GGCX: variants seen among roughly 807,000 people sequenced by gnomAD.
The protein encoded by GGCX is gamma-glutamyl carboxylase.
In GGCX, 63 loss-of-function variants were observed where a neutral mutation model predicts 88.5. That is an observed-to-expected ratio of 0.71 (90% CI 0.58 to 0.88). The LOEUF is 0.88. Ranked by LOEUF, GGCX falls within the 40% of genes least tolerant of loss-of-function variation. The probability of loss-of-function intolerance (pLI) is 0.00; values close to 1 mark genes in which losing one functional copy is unlikely to be tolerated. For missense variants in GGCX, 805 were observed against 932.9 expected, an observed-to-expected ratio of 0.86 and a Z score of 1.79; for synonymous variants, 368 against 365.8, an observed-to-expected ratio of 1.01 and a Z score of -0.07.
At position 85,549,826 on chromosome 2, in the gene GGCX, CAAAA is replaced by C. The variant is rs59419074; in HGVS notation, c.*104_*107del. ...AAACAGCTTTAGAACCCCGCCCCCC[CAAAA>C]AAAAAAAAAAAACTTTTGAGAATTT... On this transcript the variant is annotated 3_prime_UTR_variant, in exon 15 of 15. Coordinates refer to ENST00000233838, the MANE Select transcript of GGCX (RefSeq NM_000821.7). The C allele has an allele frequency of 2.0e-4, 93 of 474,678 alleles. No homozygotes were observed. Among genetic ancestry groups the C allele is most frequent in the Non-Finnish European group, 2.7e-4 (71 of 261,618 alleles). The allele number at this position is 474,678 out of a possible 1,614,324, so 29.4% of individuals were successfully genotyped here.
Position 85,551,919 on chromosome 2 carries a change from C to CA in GGCX, c.1501dup (p.Trp501LeufsTer28), listed in dbSNP as rs1297419897. On this transcript the variant is annotated frameshift_variant, in exon 11 of 15. Coordinates refer to ENST00000233838, the MANE Select transcript of GGCX (RefSeq NM_000821.7). LOFTEE classifies it high-confidence loss of function. ...CAGGTCCATCAAGAGTGGTTGCACCCAGGATGTGCGCTGAAAGGGTGACCA... is the reference window on the plus strand; with the variant it reads ...CAGGTCCATCAAGAGTGGTTGCACCCAAGGATGTGCGCTGAAAGGGTGACCA... 6.2e-7 allele frequency: 1 copy of CA among 1,613,604 alleles called. No individual in the cohort carries two copies. The highest frequency in any genetic ancestry group is 8.5e-7 in the Non-Finnish European group (1 of 1,179,642).
In GGCX at chr2:85,554,074, C is replaced by A. The variant is rs182210583; in HGVS notation, c.889+69G>T. 5.5e-6 allele frequency: 7 copies of A among 1,266,378 alleles called. No homozygotes were observed. The Admixed American group carries it at 8.4e-5, about 15-fold the overall frequency. 78.4% of individuals were successfully genotyped at this position (1,266,378 alleles called of 1,614,324 possible). A position where few individuals can be genotyped will look rare whatever the true frequency, so the allele number is the denominator to read the frequency against. On this transcript the variant is annotated intron_variant, in intron 7 of 14. Coordinates refer to ENST00000233838, the MANE Select transcript of GGCX (RefSeq NM_000821.7). ...CACACCACCCTCTCCCACTCCCAAA[C>A]AATGCCTCTGGCTAGTCCCTTCCTG...
At chr2:85,561,280 C>G (rs1468161901) in intron 1 of GGCX, 106 bp downstream of exon 1, 7 of 39,762 alleles carry the variant, frequency 1.8e-4, no homozygotes, top group Non-Finnish European at 2.8e-4. Context: ...CCACAGAGGA[C>G]CCCCCCCCCG....
rs1170618491 is a variant in GGCX, at chr2:85,546,014, C to T, written c.*3920G>A. The T allele has an allele frequency of 2.0e-5, 3 of 152,216 alleles. No homozygotes were observed. Among genetic ancestry groups the T allele is most frequent in the African/African-American group, 7.2e-5 (3 of 41,446 alleles). 9.4% of individuals were successfully genotyped at this position (152,216 alleles called of 1,614,324 possible). A position where few individuals can be genotyped will look rare whatever the true frequency, so the allele number is the denominator to read the frequency against. The stretch of plus-strand genomic sequence containing the variant: ...AGGAGCTACATGCATAGAGAATAGC[C>T]ACTTGGATTACATTTCTACCAACAT... On this transcript the variant is annotated 3_prime_UTR_variant, in exon 15 of 15. Coordinates refer to ENST00000233838, the MANE Select transcript of GGCX (RefSeq NM_000821.7).
chr2:85,553,688 C>T, intron 7 of GGCX, 191 bp from the exon 8 acceptor site: 1 of 596,552 alleles, frequency 1.7e-6, no homozygotes, highest in Non-Finnish European at 3.0e-6. Flanking sequence ...CAACCTCTGC[C>T]TCCTGGGTTC....
At chr2:85,552,276 G>A in intron 10 of GGCX, 140 bp downstream of exon 10, 1 of 880,180 alleles carries the variant, frequency 1.1e-6, no homozygotes, top group Non-Finnish European at 1.9e-6. Context: ...AACCAGCTAT[G>A]CCCACAACCA....
chr2:85,556,608 A>G (rs2103978363), intron 4 of GGCX, among the ~76,000 whole-genome samples: 1 of 152,312 alleles, frequency 6.6e-6, no homozygotes, highest in South Asian at 2.1e-4. Context: ...GTATGTGTAA[A>G]TAAATATGCG....
chr2:85,555,492 A>G lies in GGCX; in HGVS notation c.717T>C (p.Ser239=). The change falls in exon 6 of 15, where the codon AGT becomes AGC. Residue 239 remains serine (S), a synonymous_variant. Coordinates refer to ENST00000233838, the MANE Select transcript of GGCX (RefSeq NM_000821.7). ...MEYLSRHWLF[S]PFKLLLSEEL... ...CCATGACTGCCACTCACTTGAAGGGACTGAAGAGCCAGTGCCGGGACAAAT... is the reference window on the plus strand; with the variant it reads ...CCATGACTGCCACTCACTTGAAGGGGCTGAAGAGCCAGTGCCGGGACAAAT... 3.2e-6 allele frequency: 5 copies of G among 1,556,188 alleles called. No homozygotes were observed. The South Asian group carries it at 5.6e-5, about 17-fold the overall frequency.
Position 85,551,505 on chromosome 2 carries a change from G to A in GGCX, c.1715C>T (p.Thr572Ile). The part of the protein sequence containing the change: ...VELVAEQKNQ[T>I]LREGEKMQLP... The stretch of plus-strand genomic sequence containing the variant: ...CTGCATTTTTTCTCCCTCTCGAAGA[G>A]TCTGGTTCTTCTGTTCTGCCACAAG... Residue 572 changes from threonine (T) to isoleucine (I), a missense_variant, in exon 12 of 15, where the codon ACT (threonine) becomes ATT (isoleucine). Transcript: ENST00000233838. 1 of 1,614,096 alleles carries A rather than the reference G, an allele frequency of 6.2e-7. No individual in the cohort carries two copies. Among genetic ancestry groups the A allele is most frequent in the South Asian group, 1.1e-5 (1 of 91,074 alleles).
rs1373447224 is a variant in GGCX at position 85,561,376 on chromosome 2, C to A, written c.43+10G>T. ...GAACTCTCCGCCGGAGGGCGGGGTC[C>A]TAAGCCTACCTGAGCTGGGCGAGGT... On this transcript the variant is annotated intron_variant, in intron 1 of 14. Coordinates refer to ENST00000233838, the MANE Select transcript of GGCX (RefSeq NM_000821.7). 1.3e-6 allele frequency: 2 copies of A among 1,558,640 alleles called. No homozygotes were observed. Among genetic ancestry groups the A allele is most frequent in the Non-Finnish European group, 1.7e-6 (2 of 1,148,868 alleles).
In GGCX at chr2:85,551,573, GC is replaced by G. The variant is rs1248467085; in HGVS notation, c.1646del (p.Gly549AlafsTer12). 4 of 1,613,686 alleles carry G rather than the reference GC, an allele frequency of 2.5e-6. No homozygotes were observed. The highest frequency in any genetic ancestry group is 3.4e-6 in the Non-Finnish European group (4 of 1,179,854). ...CCTGCAGCAGCTGGATGCTAGTGTTGCCCAGGTCTTCACTCACAAAATTCTC... is the reference window on the plus strand; with the variant it reads ...CCTGCAGCAGCTGGATGCTAGTGTTGCCAGGTCTTCACTCACAAAATTCTC... ...HLENFVSEDL[G>X]NTSIQLLQGE... is the part of the protein sequence containing the mutation. On this transcript the variant is annotated frameshift_variant, in exon 12 of 15. Transcript: ENST00000233838. LOFTEE classifies it high-confidence loss of function.
rs1003783182 is a variant in GGCX at position 85,546,506 on chromosome 2, C to G, written c.*3428G>C. On this transcript the variant is annotated 3_prime_UTR_variant, in exon 15 of 15. Transcript: ENST00000233838. ...CTAATGCGGGTGGATCACCTGAGGT[C>G]ACGGTTTGATACCAGCCTGGCAAAC... 4 of 150,342 alleles carry G rather than the reference C, an allele frequency of 2.7e-5. No individual in the cohort carries two copies. Among genetic ancestry groups the G allele is most frequent in the African/African-American group, 1.0e-4 (4 of 40,186 alleles). The allele number at this position is 150,342 out of a possible 1,614,324, so 9.3% of individuals were successfully genotyped here. A position where few individuals can be genotyped will look rare whatever the true frequency, so the allele number is the denominator to read the frequency against.
chr2:85,559,102 A>C, intron 2 of GGCX, 27 bp from the exon 3 acceptor site: 3 of 1,605,796 alleles, frequency 1.9e-6, no homozygotes, highest in Non-Finnish European at 2.6e-6. Context: ...GGAGTTGGTC[A>C]TTGGGCCTCA....
At chr2:85,552,890 C>T (rs1692023385) in intron 9 of GGCX, 49 bp downstream of exon 9, 2 of 1,607,306 alleles carry the variant, frequency 1.2e-6, no homozygotes, top group African/African-American at 1.3e-5. Context: ...GACCCCAAAG[C>T]ACAAGGGGGC....
chr2:85,553,639 G>A lies in GGCX; in HGVS notation c.890-142C>T, dbSNP rs186802122. 1,494 of 806,480 alleles carry A rather than the reference G, an allele frequency of 1.9e-3. 31 individuals carry two copies. In the Admixed American group the frequency reaches 0.031, roughly 17 times the overall value. The allele number at this position is 806,480 out of a possible 1,614,324, so 50.0% of individuals were successfully genotyped here. A position where few individuals can be genotyped will look rare whatever the true frequency, so the allele number is the denominator to read the frequency against. ...TTTTTTGAGACAGTCTTTCTCTGTC[G>A]CCCAGGCTGGAGTGCAGTGGCGTGA... On this transcript the variant is annotated intron_variant, in intron 7 of 14. Coordinates refer to ENST00000233838, the MANE Select transcript of GGCX (RefSeq NM_000821.7).
In GGCX at chr2:85,546,277, AT is replaced by A. The variant is rs1489272392; in HGVS notation, c.*3656del. 1 of 152,234 alleles carries A rather than the reference AT, an allele frequency of 6.6e-6. No homozygotes were observed. The highest frequency in any genetic ancestry group is 2.4e-5 in the African/African-American group (1 of 41,440). 9.4% of individuals were successfully genotyped at this position (152,234 alleles called of 1,614,324 possible). A position where few individuals can be genotyped will look rare whatever the true frequency, so the allele number is the denominator to read the frequency against. ...GTGAAACCCTGTCTCTACTAAAAAT[AT>A]AAAAAAGTTAGCCAGGCACCTGTAG... On this transcript the variant is annotated 3_prime_UTR_variant, in exon 15 of 15. Coordinates refer to ENST00000233838, the MANE Select transcript of GGCX (RefSeq NM_000821.7).
Position 85,546,425 on chromosome 2 carries a change from AG to A in GGCX, c.*3508del, listed in dbSNP as rs982661353. 6.6e-6 allele frequency: 1 copy of A among 151,948 alleles called. No homozygotes were observed. The highest frequency in any genetic ancestry group is 2.4e-5 in the African/African-American group (1 of 41,294). The allele number at this position is 151,948 out of a possible 1,614,324, so 9.4% of individuals were successfully genotyped here. On this transcript the variant is annotated 3_prime_UTR_variant, in exon 15 of 15. Coordinates refer to ENST00000233838, the MANE Select transcript of GGCX (RefSeq NM_000821.7). ...GTAACAGAGTGAGACTTAAAAAAAA[AG>A]CCGTGGAAATCTGGGTATGGTAGCT...
chr2:85,545,735 C>T lies in GGCX; in HGVS notation c.*4199G>A, dbSNP rs927066864. 1.3e-5 allele frequency: 2 copies of T among 152,100 alleles called. No homozygotes were observed. The highest frequency in any genetic ancestry group is 4.8e-5 in the African/African-American group (2 of 41,376). 9.4% of individuals were successfully genotyped at this position (152,100 alleles called of 1,614,324 possible). A position where few individuals can be genotyped will look rare whatever the true frequency, so the allele number is the denominator to read the frequency against. On this transcript the variant is annotated 3_prime_UTR_variant, in exon 15 of 15. Coordinates refer to ENST00000233838, the MANE Select transcript of GGCX (RefSeq NM_000821.7). ...CATAAAAACCGCTAAAAGTATTAAC[C>T]TGGAAGTGGTAATGTCTATCTAAAG...
intron 7 of GGCX, chr2:85,553,821 G>A (rs1340848999): frequency 1.3e-5 from 6 of 463,474 alleles, no homozygotes; most frequent in South Asian, 2.1e-5. Flanking sequence ...GGCCGGTCTC[G>A]AACTCCTGAC....
Sources: allele counts gnomAD v4.1 joint callset (sites outside exome capture counted in the v4.1 genomes callset), GRCh38; gene constraint gnomAD v4.1.1; transcripts MANE v1.5; gene names NCBI Gene and HGNC (gene_info 2026-07-23, HGNC 2026-07-21).